The following PUM1 variants were observed in gnomAD, a reference collection of about 807,000 sequenced individuals.
The protein encoded by PUM1 is pumilio homolog 1.
Under a neutral mutation model 131.8 loss-of-function variants are expected in PUM1, and 13 were observed. The ratio of observed to expected loss-of-function variants is 0.10; its 90% CI spans 0.06 to 0.16. PUM1 has a LOEUF of 0.16. PUM1 is among the 10% of genes least tolerant of loss of function. The probability of loss-of-function intolerance (pLI) is 1.00; values close to 1 mark genes in which losing one functional copy is unlikely to be tolerated. For missense variants in PUM1, 961 were observed against 1,512.4 expected, an observed-to-expected ratio of 0.64 and a Z score of 6.05; for synonymous variants, 509 against 556.5, an observed-to-expected ratio of 0.91 and a Z score of 1.20.
In PUM1 at chr1:30,969,332, A is replaced by AAAAAG. The variant is rs1553146894; in HGVS notation, c.1507-845_1507-841dup. 6.1e-3 allele frequency among the ~76,000 whole-genome samples: 826 copies of AAAAAG among 134,716 alleles called. 5 individuals are homozygous for AAAAAG. The highest frequency in any genetic ancestry group is 8.3e-3 in the Non-Finnish European group (517 of 62,476). 88.4% of individuals were successfully genotyped at this position (134,716 alleles called of 152,430 possible). On this transcript the variant is annotated intron_variant, in intron 10 of 21. Coordinates refer to ENST00000426105, the MANE Select transcript of PUM1 (RefSeq NM_001020658.2). Reference sequence around the variant, plus strand: ...ACACACACACAAAAAAAAAAAAAAAAAAAAGAAAAAAAAAGAGTATTAATG... The same window carrying AAAAAG: ...ACACACACACAAAAAAAAAAAAAAAAAAAAGAAAAGAAAAAAAAAGAGTATTAATG...
intron 10 of PUM1, among the ~76,000 whole-genome samples, chr1:30,969,756 T>C (rs537460673): frequency 8.5e-5 from 13 of 152,184 alleles, no homozygotes; most frequent in African/African-American, 3.1e-4. Flanking sequence ...AACCCCTGCA[T>C]CCCAGGCTGA....
intron 11 of PUM1, chr1:30,968,118 T>C (rs762800421): frequency 2.9e-6 from 2 of 689,996 alleles, no homozygotes; most frequent in East Asian, 5.7e-5. Flanking sequence ...AAAAACCACA[T>C]ATTCCAAGCT....
chr1:31,056,171 A>G (rs1269917206), intron 2 of PUM1, among the ~76,000 whole-genome samples: 1 of 152,198 alleles, frequency 6.6e-6, no homozygotes, highest in African/African-American at 2.4e-5. Flanking sequence ...GTCCCAAACC[A>G]GAGGCACTCT....
chr1:30,936,869 AAG>A (rs1639229319), intron 20 of PUM1, 34 bp from the exon 21 acceptor site: 1 of 1,529,444 alleles, frequency 6.5e-7, no homozygotes, highest in African/African-American at 1.4e-5. Context: ...CAACTCTTAC[AAG>A]AGAGGCCCCT....
At chr1:30,938,479 C>G (rs1220872530) in intron 20 of PUM1, among the ~76,000 whole-genome samples, 1 of 152,174 alleles carries the variant, frequency 6.6e-6, no homozygotes, top group Non-Finnish European at 1.5e-5. Flanking sequence ...TCTGGAACTC[C>G]TGGCCTCAAG....
At chr1:30,980,420 T>A (rs539328476) in intron 8 of PUM1, among the ~76,000 whole-genome samples, 1 of 152,310 alleles carries the variant, frequency 6.6e-6, no homozygotes, top group African/African-American at 2.4e-5. Flanking sequence ...AGTTATAAAT[T>A]CAGCATTTCT....
intron 3 of PUM1, among the ~76,000 whole-genome samples, chr1:31,023,074 T>C (rs1336420280): frequency 6.6e-6 from 1 of 151,650 alleles, no homozygotes; most frequent in Non-Finnish European, 1.5e-5. Flanking sequence ...CTTGGGAGGC[T>C]GAGGCAGGAG....
chr1:30,984,232 A>G (rs1462697139), intron 7 of PUM1, among the ~76,000 whole-genome samples: 1 of 152,256 alleles, frequency 6.6e-6, no homozygotes, highest in East Asian at 1.9e-4. Flanking sequence ...TCTACAGCAG[A>G]CAGATTTGAT....
At chr1:30,952,174 G>A in intron 16 of PUM1, 60 bp downstream of exon 16, 2 of 1,546,408 alleles carry the variant, frequency 1.3e-6, no homozygotes, top group Non-Finnish European at 1.8e-6. Context: ...AAAGGCTAAT[G>A]AAAATCAAAA....
At chr1:30,989,596 A>AAAAAAAAAC (rs1641704750) in intron 7 of PUM1, among the ~76,000 whole-genome samples, 1 of 150,956 alleles carries the variant, frequency 6.6e-6, no homozygotes, top group African/African-American at 2.4e-5. Context: ...AAAAAAAAAA[A>AAAAAAAAAC]AAAGAACCAC....
At chr1:31,030,362 G>A (rs764084148) in intron 2 of PUM1, among the ~76,000 whole-genome samples, 2 of 151,994 alleles carry the variant, frequency 1.3e-5, no homozygotes, top group East Asian at 1.9e-4. Context: ...CTGGATAAAC[G>A]TATTGAGGGT....
intron 9 of PUM1, 107 bp downstream of exon 9, chr1:30,979,955 A>G: frequency 1.4e-6 from 1 of 734,996 alleles, no homozygotes; most frequent in Admixed American, 3.2e-5. Context: ...AAATCTGGAT[A>G]ATCTCCACTG....
chr1:31,047,908 C>T (rs1318357218), intron 2 of PUM1, among the ~76,000 whole-genome samples: 2 of 151,926 alleles, frequency 1.3e-5, no homozygotes, highest in African/African-American at 4.8e-5. Context: ...CACCACTGCA[C>T]TATACAGCCT....
At chr1:31,054,723 G>A (rs2124596126) in intron 2 of PUM1, among the ~76,000 whole-genome samples, 2 of 152,202 alleles carry the variant, frequency 1.3e-5, no homozygotes, top group Admixed American at 1.3e-4. Flanking sequence ...TTTGGGAGTT[G>A]GGGGCAAGTA....
At chr1:30,994,132 A>C (rs1377760862) in intron 6 of PUM1, among the ~76,000 whole-genome samples, 2 of 152,204 alleles carry the variant, frequency 1.3e-5, no homozygotes, top group Non-Finnish European at 2.9e-5. Flanking sequence ...TTACACATGC[A>C]AGATTAACAA....
intron 16 of PUM1, among the ~76,000 whole-genome samples, 154 bp downstream of exon 16, chr1:30,952,080 A>G (rs2124413110): frequency 6.6e-6 from 1 of 152,352 alleles, no homozygotes; most frequent in Middle Eastern, 3.4e-3. Flanking sequence ...ACTGCTGCTA[A>G]TGAATTGGAA....
At chr1:31,003,902 A>G (rs1642306196) in intron 5 of PUM1, among the ~76,000 whole-genome samples, 1 of 152,246 alleles carries the variant, frequency 6.6e-6, no homozygotes, top group Non-Finnish European at 1.5e-5. Flanking sequence ...ACTATGGGAT[A>G]ATATTCCATT....
chr1:30,997,898 A>G (rs1027082046), intron 5 of PUM1, among the ~76,000 whole-genome samples: 1 of 149,616 alleles, frequency 6.7e-6, no homozygotes, highest in Non-Finnish European at 1.5e-5. Context: ...GCTAAGTTAC[A>G]CTTTCAGCCA....
chr1:31,059,196 T>A lies in PUM1; in HGVS notation c.363+8A>T. 1 of 1,547,492 alleles carries A rather than the reference T, an allele frequency of 6.5e-7. No individual in the cohort carries two copies. The highest frequency in any genetic ancestry group is 1.2e-5 in the South Asian group (1 of 81,116). ...ATGTCAAAGCTAAAATAGTGAACTTTTTTTTACCTGATGTTCTGCATGAAT... is the reference window on the plus strand; with the variant it reads ...ATGTCAAAGCTAAAATAGTGAACTTATTTTTACCTGATGTTCTGCATGAAT... On this transcript the variant is annotated splice_region_variant and intron_variant, in intron 2 of 21. Coordinates refer to ENST00000426105, the MANE Select transcript of PUM1 (RefSeq NM_001020658.2).
Sources: gnomAD v4.1 joint callset for allele counts (sites outside exome capture counted in the v4.1 genomes callset) on GRCh38, gnomAD v4.1.1 for gene constraint, MANE v1.5 for transcripts, NCBI Gene and HGNC (gene_info 2026-07-23, HGNC 2026-07-21) for gene names.